TRMT9B: variants seen among roughly 807,000 people sequenced by gnomAD.
TRMT9B encodes probable tRNA methyltransferase 9B.
TRMT9B carries 16 observed loss-of-function variants against 11.5 expected under a neutral mutation model. The ratio of observed to expected loss-of-function variants is 1.39; its 90% CI spans 0.94 to 2.11. The LOEUF (loss-of-function observed/expected upper bound fraction) is 2.11, where lower values mean the gene tolerates loss of function less well. TRMT9B is among the 30% of genes most tolerant of loss of function. The pLI is 0.00. For synonymous variants in TRMT9B, 274 were observed against 192.4 expected, an observed-to-expected ratio of 1.42 and a Z score of -3.51; for missense variants, 941 against 553.8, an observed-to-expected ratio of 1.70 and a Z score of -7.02.
chr8:12,995,393 A>G (rs931420672), intron 2 of TRMT9B, among the ~76,000 whole-genome samples: 1 of 152,224 alleles, frequency 6.6e-6, no homozygotes, highest in Non-Finnish European at 1.5e-5. Flanking sequence ...ACAAAGTTAT[A>G]TATTTTTTAC....
intron 3 of TRMT9B, chr8:13,011,825 G>C (rs770448531): frequency 1.3e-5 from 13 of 964,702 alleles, no homozygotes; most frequent in Non-Finnish European, 1.6e-5. Context: ...AATGAATAGA[G>C]ATTGGATAAA....
intron 4 of TRMT9B, among the ~76,000 whole-genome samples, chr8:13,016,686 G>A (rs12675005): frequency 0.32 from 47,972 of 151,384 alleles, 8,921 homozygotes; most frequent in Middle Eastern, 0.53. Flanking sequence ...AAGTGGTGGC[G>A]CATTAACATA....
At chr8:12,960,725 G>A (rs1332612615) in intron 1 of TRMT9B, among the ~76,000 whole-genome samples, 1 of 152,222 alleles carries the variant, frequency 6.6e-6, no homozygotes, top group Admixed American at 6.5e-5. Flanking sequence ...CCTAAATGCT[G>A]TGTGATTCCA....
At chr8:12,958,100 GATTA>G (rs1321626413) in intron 1 of TRMT9B, among the ~76,000 whole-genome samples, 2 of 152,116 alleles carry the variant, frequency 1.3e-5, no homozygotes, top group Non-Finnish European at 1.5e-5. Context: ...GTCCTTTTGT[GATTA>G]ATTTATTCCA....
In TRMT9B at chr8:13,013,675, G is replaced by A. The variant is rs1344576903; in HGVS notation, c.328+818G>A. Among the ~76,000 whole-genome samples the A allele has an allele frequency of 2.6e-5, 4 of 152,160 alleles. 1 individual carries two copies. The highest frequency in any genetic ancestry group is 2.0e-4 in the Admixed American group (3 of 15,280). On this transcript the variant is annotated intron_variant, in intron 4 of 4. Transcript: ENST00000524591. Reference sequence around the variant, plus strand: ...CTCTTAAAAATCAACCTATTTGGCCGGGTGCAGCGGCTCATGCCTGTAATC... The same window carrying A: ...CTCTTAAAAATCAACCTATTTGGCCAGGTGCAGCGGCTCATGCCTGTAATC...
At chr8:12,977,493 G>T (rs532876741) in intron 1 of TRMT9B, among the ~76,000 whole-genome samples, 2 of 152,208 alleles carry the variant, frequency 1.3e-5, no homozygotes, top group Non-Finnish European at 2.9e-5. Context: ...ACGAGGTCGA[G>T]AAATCGAGAC....
At chr8:12,965,112 G>C (rs1354967507) in intron 1 of TRMT9B, among the ~76,000 whole-genome samples, 3 of 152,204 alleles carry the variant, frequency 2.0e-5, no homozygotes, top group African/African-American at 7.2e-5. Flanking sequence ...CAAGCTGCCT[G>C]CAAATGAGGC....
rs1459830301 is a variant in TRMT9B, at chr8:13,022,330, G to C, written c.*286G>C. ...CACCTCAGACTTTTTTTTAACCCCA[G>C]AGAGATAAAATACATGTATAGTGTT... is the stretch of plus-strand genomic sequence containing the variant. On this transcript the variant is annotated 3_prime_UTR_variant, in exon 5 of 5. Coordinates refer to ENST00000524591, the MANE Select transcript of TRMT9B (RefSeq NM_020844.3). The C allele has an allele frequency of 1.0e-5, 3 of 297,300 alleles. No individual in the cohort carries two copies. The highest frequency in any genetic ancestry group is 4.9e-5 in the Admixed American group (1 of 20,450). The allele number at this position is 297,300 out of a possible 1,614,324, so 18.4% of individuals were successfully genotyped here.
chr8:13,006,722 G>C, intron 3 of TRMT9B: 7 of 1,114,958 alleles, frequency 6.3e-6, no homozygotes, highest in Non-Finnish European at 8.1e-6. Flanking sequence ...AGATTGGAGT[G>C]CAGTGGTGCA....
At chr8:12,992,046 T>C (rs1807439179) in intron 2 of TRMT9B, among the ~76,000 whole-genome samples, 1 of 152,172 alleles carries the variant, frequency 6.6e-6, no homozygotes, top group Non-Finnish European at 1.5e-5. Context: ...GCTGGCTCTT[T>C]AGGATTTATA....
chr8:12,975,891 A>G (rs1405804487), intron 1 of TRMT9B, among the ~76,000 whole-genome samples: 1 of 152,254 alleles, frequency 6.6e-6, no homozygotes, highest in African/African-American at 2.4e-5. Flanking sequence ...ACGTATGGTC[A>G]TTGTCCATAA....
At chr8:12,968,272 C>T (rs569024266) in intron 1 of TRMT9B, among the ~76,000 whole-genome samples, 21 of 152,306 alleles carry the variant, frequency 1.4e-4, no homozygotes, top group African/African-American at 5.1e-4. Flanking sequence ...ATATGACTTT[C>T]TGGGCATGTG....
intron 1 of TRMT9B, among the ~76,000 whole-genome samples, chr8:12,989,419 A>C (rs1806933979): frequency 6.6e-6 from 1 of 152,238 alleles, no homozygotes; most frequent in African/African-American, 2.4e-5. Flanking sequence ...AAAAAGAAGC[A>C]AAATCAGTCA....
chr8:13,009,417 G>A (rs550644479), intron 3 of TRMT9B, among the ~76,000 whole-genome samples: 65 of 152,252 alleles, frequency 4.3e-4, no homozygotes, highest in African/African-American at 1.5e-3. Context: ...ATGTGTAAAA[G>A]TATTTTAATA....
chr8:12,983,012 T>C (rs1201748519), intron 1 of TRMT9B, among the ~76,000 whole-genome samples: 1 of 152,228 alleles, frequency 6.6e-6, no homozygotes, highest in East Asian at 1.9e-4. Context: ...TTCCCCACGA[T>C]GCCCCACATG....
rs1305235071 is a variant in TRMT9B, at chr8:13,022,948, A to G, written c.*904A>G. The G allele has an allele frequency of 3.0e-5, 5 of 166,684 alleles. No homozygotes were observed. The highest frequency in any genetic ancestry group is 7.3e-5 in the Non-Finnish European group (5 of 68,128). The allele number at this position is 166,684 out of a possible 1,614,324, so 10.3% of individuals were successfully genotyped here. ...CAGTGAACTATGATTGCATCACTGC[A>G]CTGCAGCCTGGGCAACATAGCAAGA... On this transcript the variant is annotated 3_prime_UTR_variant, in exon 5 of 5. Transcript: ENST00000524591.
At chr8:12,978,480 C>G (rs978075895) in intron 1 of TRMT9B, among the ~76,000 whole-genome samples, 1 of 144,090 alleles carries the variant, frequency 6.9e-6, no homozygotes, top group African/African-American at 2.6e-5. Flanking sequence ...ACAGTTGCTG[C>G]TAACCCGCGA....
chr8:12,951,167 T>C (rs1800573992), intron 1 of TRMT9B, among the ~76,000 whole-genome samples: 1 of 152,134 alleles, frequency 6.6e-6, no homozygotes, highest in African/African-American at 2.4e-5. Flanking sequence ...TGATGGATGC[T>C]TTTTTGATGG....
intron 3 of TRMT9B, chr8:13,011,497 T>A: frequency 1.0e-6 from 1 of 975,064 alleles, no homozygotes; most frequent in Non-Finnish European, 1.2e-6. Context: ...TGCCAATAAG[T>A]ACAAATATAG....
Sources: allele counts gnomAD v4.1 joint callset (sites outside exome capture counted in the v4.1 genomes callset), GRCh38; gene constraint gnomAD v4.1.1; transcripts MANE v1.5; gene names NCBI Gene and HGNC (gene_info 2026-07-23, HGNC 2026-07-21).